PIK3R6: variants seen among roughly 807,000 people sequenced by gnomAD.
The protein encoded by PIK3R6 is phosphoinositide-3-kinase regulatory subunit 6, also known as phosphoinositide 3-kinase regulatory subunit 6.
A neutral mutation model predicts 84.9 loss-of-function variants in PIK3R6; 91 were observed. The observed-to-expected ratio is 1.07, with a 90% CI of 0.90 to 1.28. The LOEUF (loss-of-function observed/expected upper bound fraction) is 1.28. Among genes scored for constraint, PIK3R6 ranks in the 50% most tolerant of loss-of-function variants. The pLI is 0.00. For missense variants in PIK3R6, 996 were observed against 985.1 expected, an observed-to-expected ratio of 1.01 and a Z score of -0.15; for synonymous variants, 416 against 411.4, an observed-to-expected ratio of 1.01 and a Z score of -0.13.
chr17:8,848,642 C>T (rs929232068), intron 2 of PIK3R6, among the ~76,000 whole-genome samples: 1 of 152,150 alleles, frequency 6.6e-6, no homozygotes. Context: ...TAAGGCTCGT[C>T]GTTGACCAAA....
At chr17:8,836,467 G>T in intron 7 of PIK3R6, 80 bp downstream of exon 7, 2 of 1,479,838 alleles carry the variant, frequency 1.4e-6, no homozygotes, top group Non-Finnish European at 1.9e-6. Flanking sequence ...CTCCTCTTTT[G>T]TCCTCCTGCC....
chr17:8,836,870 C>A lies in PIK3R6; in HGVS notation c.312G>T (p.Arg104Ser), dbSNP rs1451043945. 1.9e-6 allele frequency: 3 copies of A among 1,568,766 alleles called. No individual in the cohort carries two copies. Among genetic ancestry groups the A allele is most frequent in the South Asian group, 1.2e-5 (1 of 85,342 alleles). The change falls in exon 6 of 20, where the codon AGG becomes AGT. Residue 104 changes from arginine (R) to serine (S), a missense_variant. Arg to Ser is a moderately radical substitution (Grantham distance 110). Transcript: ENST00000619866. ...LYQRIYAFCT[R>S]LLTLPTPYCT... ...AGTAGGGGGTGGGCAGGGTCAGTAA[C>A]CTTGTGCAAAAGGCATAGATTCTCT...
At chr17:8,821,028 A>G (rs1597388869) in intron 17 of PIK3R6, among the ~76,000 whole-genome samples, 1 of 152,238 alleles carries the variant, frequency 6.6e-6, no homozygotes, top group African/African-American at 2.4e-5. Flanking sequence ...TCAAGTATCT[A>G]CCACATGCCA....
At chr17:8,829,957 G>T (rs1057336952) in intron 9 of PIK3R6, among the ~76,000 whole-genome samples, 165 bp from the exon 10 acceptor site, 2 of 152,160 alleles carry the variant, frequency 1.3e-5, no homozygotes, top group African/African-American at 4.8e-5. Flanking sequence ...GCCCATCCAG[G>T]GCCCAACAGT....
At chr17:8,811,967 T>C (rs2087370474) in intron 18 of PIK3R6, among the ~76,000 whole-genome samples, 1 of 151,044 alleles carries the variant, frequency 6.6e-6, no homozygotes, top group African/African-American at 2.4e-5. Flanking sequence ...GATAAAGACA[T>C]ACCTGAGACT....
chr17:8,835,544 C>T lies in PIK3R6; in HGVS notation c.462-88G>A, dbSNP rs2088428163. On this transcript the variant is annotated intron_variant, in intron 7 of 19. Coordinates refer to ENST00000619866, the MANE Select transcript of PIK3R6 (RefSeq NM_001010855.4). ...GATGGGCACCCTCAGAGCTGTGCAG[C>T]ACCTCCAAGTAATTTAATTCTGCTA... 4 of 1,128,262 alleles carry T rather than the reference C, an allele frequency of 3.5e-6. No individual in the cohort carries two copies. In the South Asian group the frequency reaches 8.1e-5, roughly 23 times the overall value. 69.9% of individuals were successfully genotyped at this position (1,128,262 alleles called of 1,614,324 possible). A position where few individuals can be genotyped will look rare whatever the true frequency, so the allele number is the denominator to read the frequency against.
chr17:8,811,748 A>C (rs542888200), intron 18 of PIK3R6, among the ~76,000 whole-genome samples: 1 of 148,470 alleles, frequency 6.7e-6, no homozygotes, highest in South Asian at 2.3e-4. Context: ...TTTATTGTCC[A>C]TATCGCTATC....
intron 18 of PIK3R6, among the ~76,000 whole-genome samples, chr17:8,808,240 C>T (rs1016641994): frequency 4.6e-5 from 7 of 152,156 alleles, no homozygotes; most frequent in Non-Finnish European, 7.3e-5. Flanking sequence ...GCCAAGCACT[C>T]TTCTAAGAGC....
chr17:8,826,010 G>A (rs2087903697), intron 13 of PIK3R6, among the ~76,000 whole-genome samples: 1 of 152,264 alleles, frequency 6.6e-6, no homozygotes, highest in Non-Finnish European at 1.5e-5. Flanking sequence ...GGGTATGGCA[G>A]TGTGGGTTTG....
chr17:8,816,646 GA>G (rs2087552162), intron 18 of PIK3R6, among the ~76,000 whole-genome samples: 1 of 152,038 alleles, frequency 6.6e-6, no homozygotes, highest in Admixed American at 6.6e-5. Context: ...ATACAAATAG[GA>G]AATGTAAGAA....
At chr17:8,825,371 G>A (rs904764347) in intron 13 of PIK3R6, among the ~76,000 whole-genome samples, 2 of 152,126 alleles carry the variant, frequency 1.3e-5, no homozygotes, top group African/African-American at 4.8e-5. Flanking sequence ...GAAAAGTTTT[G>A]AAAAAGAAGA....
rs931671917 is a variant in PIK3R6 at position 8,829,807 on chromosome 17, A to G, written c.803-15T>C. Reference sequence around the variant, plus strand: ...GACAAGGTCACCTGCAGAAAGGAGCAGGCTGTGGAGGCCATGGAGGAGGCC... The same window carrying G: ...GACAAGGTCACCTGCAGAAAGGAGCGGGCTGTGGAGGCCATGGAGGAGGCC... On this transcript the variant is annotated splice_polypyrimidine_tract_variant and intron_variant, in intron 9 of 19. Coordinates refer to ENST00000619866, the MANE Select transcript of PIK3R6 (RefSeq NM_001010855.4). 6.5e-7 allele frequency: 1 copy of G among 1,546,104 alleles called. No homozygotes were observed. The highest frequency in any genetic ancestry group is 8.7e-7 in the Non-Finnish European group (1 of 1,143,828).
At chr17:8,851,590 C>A (rs2088972369) in intron 1 of PIK3R6, among the ~76,000 whole-genome samples, 1 of 152,150 alleles carries the variant, frequency 6.6e-6, no homozygotes, top group Non-Finnish European at 1.5e-5. Flanking sequence ...TGTTTGGAGT[C>A]CCCCTGCTTT....
At chr17:8,835,159 T>TG in intron 8 of PIK3R6, 114 bp downstream of exon 8, 1 of 1,169,574 alleles carries the variant, frequency 8.6e-7, no homozygotes, top group Non-Finnish European at 1.1e-6. Flanking sequence ...ATTTTTGATT[T>TG]GGGGGAAAAG....
chr17:8,857,704 T>G (rs1406138828), intron 1 of PIK3R6, among the ~76,000 whole-genome samples: 1 of 152,080 alleles, frequency 6.6e-6, no homozygotes, highest in African/African-American at 2.4e-5. Context: ...ATCGAGACCA[T>G]CCTAGCTAAC....
At chr17:8,831,708 T>G (rs2088246615) in intron 9 of PIK3R6, among the ~76,000 whole-genome samples, 1 of 152,152 alleles carries the variant, frequency 6.6e-6, no homozygotes, top group Admixed American at 6.5e-5. Flanking sequence ...TCCGGTGGAT[T>G]CCAGTCCTTA....
rs906648591 is a variant in PIK3R6 at position 8,826,856 on chromosome 17, A to C, written c.1515+316T>G. Among the ~76,000 whole-genome samples the C allele has an allele frequency of 3.1e-4, 47 of 152,128 alleles. 1 individual carries two copies. Among genetic ancestry groups the C allele is most frequent in the Non-Finnish European group, 7.4e-5 (5 of 68,022 alleles). Reference sequence around the variant, plus strand: ...ATCACAGGAAGCTCACACAAGAAGGAGTATAACTGCCCTACACACTTACGA... The same window carrying C: ...ATCACAGGAAGCTCACACAAGAAGGCGTATAACTGCCCTACACACTTACGA... On this transcript the variant is annotated intron_variant, in intron 13 of 19. Coordinates refer to ENST00000619866, the MANE Select transcript of PIK3R6 (RefSeq NM_001010855.4).
chr17:8,848,373 G>A (rs910425779), intron 2 of PIK3R6, among the ~76,000 whole-genome samples: 1 of 152,136 alleles, frequency 6.6e-6, no homozygotes, highest in African/African-American at 2.4e-5. Context: ...ACCTTGATGT[G>A]TCACTTAACT....
Position 8,832,966 on chromosome 17 carries a change from G to A in PIK3R6, c.725C>T (p.Pro242Leu), listed in dbSNP as rs370891970. The change falls in exon 9 of 20, where the codon CCG becomes CTG. Residue 242 changes from proline (P) to leucine (L), a missense_variant. Physicochemically the swap from Pro to Leu is moderately conservative, Grantham distance 98. Transcript: ENST00000619866. ...CCTCTCTACGTGTCCCTCCCGGCTC[G>A]GGCTGGCCTCGCTGGCCATCTGCTC... ...ALEQMASEASPSREGHVERLE... is the reference protein window; with the variant it reads ...ALEQMASEASLSREGHVERLE... 29 of 1,612,354 alleles carry A rather than the reference G, an allele frequency of 1.8e-5. No individual in the cohort carries two copies. In the African/African-American group the frequency reaches 3.7e-4, roughly 21 times the overall value.
Sources: gnomAD v4.1 joint callset for allele counts (sites outside exome capture counted in the v4.1 genomes callset) on GRCh38, gnomAD v4.1.1 for gene constraint, MANE v1.5 for transcripts, NCBI Gene and HGNC (gene_info 2026-07-23, HGNC 2026-07-21) for gene names.